CIMIP6: variants seen among roughly 807,000 people sequenced by gnomAD.
CIMIP6 encodes the protein ciliary microtubule inner protein 6.
chr2:54,332,262 A>G, the CIMIP6 span, among the ~76,000 whole-genome samples: 6 of 152,180 alleles, frequency 3.9e-5, no homozygotes, highest in East Asian at 1.2e-3. Context: ...CTACATACAT[A>G]CACTCCCTTT....
At chr2:54,359,081 C>T in the CIMIP6 span, 8 of 1,395,980 alleles carry the variant, frequency 5.7e-6, no homozygotes, top group Non-Finnish European at 5.9e-6. Context: ...AAAGGTGAGG[C>T]AGTATTTAGA....
the CIMIP6 span, among the ~76,000 whole-genome samples, chr2:54,344,101 A>C: frequency 6.6e-6 from 1 of 152,226 alleles, no homozygotes; most frequent in African/African-American, 2.4e-5. Context: ...TTGATCATTA[A>C]TAACACCAGC....
chr2:54,372,903 C>G, the CIMIP6 span, among the ~76,000 whole-genome samples: 1 of 152,142 alleles, frequency 6.6e-6, no homozygotes, highest in South Asian at 2.1e-4. Flanking sequence ...TCTCTACCTC[C>G]TACGTTTCCC....
chr2:54,364,563 C>T, the CIMIP6 span, among the ~76,000 whole-genome samples: 1 of 152,174 alleles, frequency 6.6e-6, no homozygotes, highest in South Asian at 2.1e-4. Context: ...TAAATGATTT[C>T]CCCAAGTCTG....
the CIMIP6 span, among the ~76,000 whole-genome samples, chr2:54,373,447 G>A: frequency 1.3e-5 from 2 of 152,022 alleles, no homozygotes; most frequent in African/African-American, 2.4e-5. Flanking sequence ...GCTCCTTCAT[G>A]GCCATCCTAT....
chr2:54,349,838 G>T, the CIMIP6 span, among the ~76,000 whole-genome samples: 2 of 150,636 alleles, frequency 1.3e-5, no homozygotes, highest in Non-Finnish European at 3.0e-5. Context: ...TTTCCGTGAT[G>T]AAAAAGAAAT....
chr2:54,382,014 T>C, the CIMIP6 span: 1 of 1,513,878 alleles, frequency 6.6e-7, no homozygotes, highest in Non-Finnish European at 8.8e-7. Context: ...ATTTTTATAA[T>C]GAGGAAGCTA....
At chr2:54,369,867 T>G in the CIMIP6 span, among the ~76,000 whole-genome samples, 2,357 of 152,342 alleles carry the variant, frequency 0.015, 68 homozygotes, top group African/African-American at 0.053. Flanking sequence ...TCCTTCACCT[T>G]GCTTCTAACA....
the CIMIP6 span, among the ~76,000 whole-genome samples, chr2:54,365,466 C>T: frequency 2.6e-5 from 4 of 151,976 alleles, no homozygotes; most frequent in East Asian, 3.8e-4. Context: ...AACTCATATG[C>T]CAAGAATTAC....
At chr2:54,334,822 A>G in the CIMIP6 span, 1 of 1,540,008 alleles carries the variant, frequency 6.5e-7, no homozygotes, top group Admixed American at 2.0e-5. Flanking sequence ...TTCAGACAGC[A>G]TAAAATAGAG....
chr2:54,341,522 C>A, the CIMIP6 span, among the ~76,000 whole-genome samples: 1 of 152,194 alleles, frequency 6.6e-6, no homozygotes, highest in African/African-American at 2.4e-5. Flanking sequence ...CAGACTAAGA[C>A]GTGCACTTAC....
chr2:54,359,249 G>T, the CIMIP6 span, among the ~76,000 whole-genome samples: 3 of 152,064 alleles, frequency 2.0e-5, no homozygotes, highest in African/African-American at 7.2e-5. Flanking sequence ...TACTATCCTG[G>T]TATGGTGGTG....
chr2:54,367,208 A>G, the CIMIP6 span, among the ~76,000 whole-genome samples: 1 of 152,194 alleles, frequency 6.6e-6, no homozygotes, highest in Admixed American at 6.5e-5. Context: ...GGATGTAAGC[A>G]GAAAAGCAAG....
chr2:54,375,622 T>G, the CIMIP6 span, among the ~76,000 whole-genome samples: 1 of 152,176 alleles, frequency 6.6e-6, no homozygotes, highest in Admixed American at 6.5e-5. Flanking sequence ...GCTACAGAAA[T>G]AACTATACAA....
chr2:54,359,051 C>G, the CIMIP6 span: 1 of 1,529,722 alleles, frequency 6.5e-7, no homozygotes, highest in Non-Finnish European at 8.8e-7. Context: ...CAGAAAAACT[C>G]CGAATGAGCC....
the CIMIP6 span, chr2:54,359,015 A>G: frequency 1.5e-5 from 23 of 1,557,126 alleles, no homozygotes; most frequent in African/African-American, 2.7e-5. Context: ...TATAGAATAC[A>G]TCTCTTTTAT....
At chr2:54,382,775 T>C in the CIMIP6 span, among the ~76,000 whole-genome samples, 1 of 152,214 alleles carries the variant, frequency 6.6e-6, no homozygotes, top group Non-Finnish European at 1.5e-5. Context: ...GCCAACAGAA[T>C]GCAGACAGAA....
chr2:54,335,219 G>A, the CIMIP6 span, among the ~76,000 whole-genome samples: 19 of 152,150 alleles, frequency 1.2e-4, no homozygotes, highest in Non-Finnish European at 2.2e-4. Context: ...TACAGGGAGG[G>A]AATCTAAGTA....
the CIMIP6 span, among the ~76,000 whole-genome samples, chr2:54,372,198 G>A: frequency 1.3e-5 from 2 of 152,154 alleles, no homozygotes; most frequent in East Asian, 3.8e-4. Flanking sequence ...TAACTATGCA[G>A]TGGAGCCGAT....
Sources: gnomAD v4.1 joint callset for allele counts (sites outside exome capture counted in the v4.1 genomes callset) on GRCh38, gnomAD v4.1.1 for gene constraint, MANE v1.5 for transcripts, NCBI Gene and HGNC (gene_info 2026-07-23, HGNC 2026-07-21) for gene names.